Variants in HS6ST3 observed in about 807,000 individuals in gnomAD.
HS6ST3 encodes the protein heparan sulfate 6-O-sulfotransferase 3.
A neutral mutation model predicts 36.7 loss-of-function variants in HS6ST3; 12 were observed. That is an observed-to-expected ratio of 0.33 (90% CI 0.21 to 0.53). The LOEUF (loss-of-function observed/expected upper bound fraction) is 0.53. Ranked by LOEUF, HS6ST3 falls within the 20% of genes least tolerant of loss-of-function variation. HS6ST3 has a pLI of 0.95. For missense variants in HS6ST3, 584 were observed against 640.9 expected, an observed-to-expected ratio of 0.91 and a Z score of 0.96; for synonymous variants, 240 against 257.5, an observed-to-expected ratio of 0.93 and a Z score of 0.65.
At chr13:96,673,569 T>A (rs2056689246) in intron 1 of HS6ST3, among the ~76,000 whole-genome samples, 1 of 152,170 alleles carries the variant, frequency 6.6e-6, no homozygotes, top group South Asian at 2.1e-4. Flanking sequence ...TTTTTGAACT[T>A]AATTCTCCTA....
At chr13:96,556,071 A>G (rs1333791529) in intron 1 of HS6ST3, among the ~76,000 whole-genome samples, 1 of 152,204 alleles carries the variant, frequency 6.6e-6, no homozygotes, top group Non-Finnish European at 1.5e-5. Context: ...AAGTTTCAGG[A>G]AGAGTCTGAA....
At chr13:96,379,881 G>A (rs2055332736) in intron 1 of HS6ST3, among the ~76,000 whole-genome samples, 1 of 152,160 alleles carries the variant, frequency 6.6e-6, no homozygotes, top group African/African-American at 2.4e-5. Flanking sequence ...TGTGGCAACA[G>A]CCTAGTGCTT....
chr13:96,254,557 C>T (rs1279951942), intron 1 of HS6ST3, among the ~76,000 whole-genome samples: 1 of 135,246 alleles, frequency 7.4e-6, no homozygotes, highest in East Asian at 2.3e-4. Flanking sequence ...GACATCCCTG[C>T]TTATCAGTGC....
chr13:96,326,252 G>C (rs1472995173), intron 1 of HS6ST3, among the ~76,000 whole-genome samples: 1 of 149,666 alleles, frequency 6.7e-6, no homozygotes, highest in Non-Finnish European at 1.5e-5. Flanking sequence ...ATGTATACAT[G>C]TGCCATGTTG....
chr13:96,609,901 A>G (rs575356641), intron 1 of HS6ST3, among the ~76,000 whole-genome samples: 4 of 152,248 alleles, frequency 2.6e-5, no homozygotes, highest in Non-Finnish European at 5.9e-5. Context: ...AATCTTGAGG[A>G]AAGCATATAT....
At chr13:96,505,917 T>C (rs2056024331) in intron 1 of HS6ST3, among the ~76,000 whole-genome samples, 2 of 152,122 alleles carry the variant, frequency 1.3e-5, no homozygotes, top group Non-Finnish European at 2.9e-5. Flanking sequence ...AAAAGCAATC[T>C]GTTGGTTCAG....
chr13:96,407,170 A>G (rs2055482758), intron 1 of HS6ST3, among the ~76,000 whole-genome samples: 1 of 152,246 alleles, frequency 6.6e-6, no homozygotes, highest in African/African-American at 2.4e-5. Context: ...AACTTAAAGT[A>G]TTCTTTGCGA....
At chr13:96,388,461 G>T (rs1034434014) in intron 1 of HS6ST3, among the ~76,000 whole-genome samples, 1 of 152,188 alleles carries the variant, frequency 6.6e-6, no homozygotes, top group Non-Finnish European at 1.5e-5. Context: ...GATTTCATAG[G>T]CTTCTGCAAA....
chr13:96,474,687 GA>G (rs2055855173), intron 1 of HS6ST3, among the ~76,000 whole-genome samples: 1 of 152,136 alleles, frequency 6.6e-6, no homozygotes, highest in South Asian at 2.1e-4. Flanking sequence ...CCAATGAAGA[GA>G]AATCAGAAGC....
intron 1 of HS6ST3, among the ~76,000 whole-genome samples, chr13:96,725,854 T>G (rs1594845813): frequency 6.6e-6 from 1 of 152,198 alleles, no homozygotes; most frequent in East Asian, 1.9e-4. Flanking sequence ...TTTTATTTTT[T>G]TAGACAGAGT....
At chr13:96,521,809 G>A (rs1327018486) in intron 1 of HS6ST3, among the ~76,000 whole-genome samples, 1 of 151,948 alleles carries the variant, frequency 6.6e-6, no homozygotes, top group African/African-American at 2.4e-5. Context: ...CCATCTCCTG[G>A]ATTTATTGAG....
Position 96,785,824 on chromosome 13 carries a change from A to C in HS6ST3, c.708-46666A>C, listed in dbSNP as rs1259211134. Among the ~76,000 whole-genome samples the C allele has an allele frequency of 2.0e-5, 3 of 152,354 alleles. 1 individual carries two copies. In the South Asian group the frequency reaches 6.2e-4, roughly 32 times the overall value. Reference sequence around the variant, plus strand: ...CACAATTCTGGACATACACATATACATAAAATTCTCACAGAAATATTGCTC... The same window carrying C: ...CACAATTCTGGACATACACATATACCTAAAATTCTCACAGAAATATTGCTC... On this transcript the variant is annotated intron_variant, in intron 1 of 1. Transcript: ENST00000376705.
intron 1 of HS6ST3, among the ~76,000 whole-genome samples, chr13:96,254,571 G>C (rs1048887517): frequency 7.1e-6 from 1 of 140,214 alleles, no homozygotes; most frequent in Non-Finnish European, 1.5e-5. Context: ...TCAGTGCCTG[G>C]TGATCCATCT....
intron 1 of HS6ST3, among the ~76,000 whole-genome samples, chr13:96,248,004 C>A (rs2054591964): frequency 6.6e-6 from 1 of 152,154 alleles, no homozygotes; most frequent in African/African-American, 2.4e-5. Flanking sequence ...GGATTCAATT[C>A]AGAATTAATA....
intron 1 of HS6ST3, among the ~76,000 whole-genome samples, chr13:96,728,380 A>G (rs1024642827): frequency 6.6e-6 from 1 of 152,186 alleles, no homozygotes; most frequent in Non-Finnish European, 1.5e-5. Flanking sequence ...GGCAGTTTCC[A>G]TGGTATCATT....
chr13:96,703,255 G>A (rs773190383), intron 1 of HS6ST3, among the ~76,000 whole-genome samples: 28 of 152,138 alleles, frequency 1.8e-4, no homozygotes, highest in Non-Finnish European at 1.2e-4. Flanking sequence ...ATCTATTGAC[G>A]TCGGCATTGC....
chr13:96,815,136 C>A (rs1049090612), intron 1 of HS6ST3, among the ~76,000 whole-genome samples: 2 of 152,142 alleles, frequency 1.3e-5, no homozygotes, highest in Admixed American at 6.5e-5. Context: ...ATCTGGAAGT[C>A]CAAGATCAAG....
chr13:96,495,198 A>G (rs1450108271), intron 1 of HS6ST3, among the ~76,000 whole-genome samples: 1 of 152,182 alleles, frequency 6.6e-6, no homozygotes, highest in Non-Finnish European at 1.5e-5. Context: ...TGCGTTTAAG[A>G]ATTTATTGCT....
intron 1 of HS6ST3, among the ~76,000 whole-genome samples, chr13:96,533,920 A>C (rs909151471): frequency 2.0e-5 from 3 of 152,220 alleles, no homozygotes; most frequent in Non-Finnish European, 4.4e-5. Context: ...GAGCTGTCAT[A>C]GTCACTTGCC....
Sources: gnomAD v4.1 joint callset for allele counts (sites outside exome capture counted in the v4.1 genomes callset) on GRCh38, gnomAD v4.1.1 for gene constraint, MANE v1.5 for transcripts, NCBI Gene and HGNC (gene_info 2026-07-23, HGNC 2026-07-21) for gene names.